Variants in LRRC43 observed in about 807,000 individuals in gnomAD.
The protein encoded by LRRC43 is leucine-rich repeat-containing protein 43.
A neutral mutation model predicts 64.3 loss-of-function variants in LRRC43; 62 were observed. The observed-to-expected ratio is 0.96, with a 90% CI of 0.79 to 1.19. The LOEUF is 1.19. Ranked by LOEUF, LRRC43 falls within the 50% of genes most tolerant of loss-of-function variation. LRRC43 has a pLI of 0.00. For missense variants in LRRC43, 868 were observed against 845.0 expected, an observed-to-expected ratio of 1.03 and a Z score of -0.34; for synonymous variants, 422 against 382.3, an observed-to-expected ratio of 1.10 and a Z score of -1.21.
chr12:122,189,674 C>T (rs1412786018), intron 4 of LRRC43, among the ~76,000 whole-genome samples: 1 of 152,120 alleles, frequency 6.6e-6, no homozygotes, highest in African/African-American at 2.4e-5. Flanking sequence ...AGCCCTCCAG[C>T]CTCTGGCTCC....
At chr12:122,186,502 A>G (rs1953646352) in intron 3 of LRRC43, among the ~76,000 whole-genome samples, 1 of 152,226 alleles carries the variant, frequency 6.6e-6, no homozygotes. Context: ...TGTATCCATG[A>G]AGGAACTGAA....
chr12:122,172,286 G>A, intron 1 of LRRC43: 1 of 691,442 alleles, frequency 1.4e-6, no homozygotes, highest in East Asian at 2.6e-5. Context: ...GCCCATATGA[G>A]GGGTCCCTGA....
At chr12:122,177,574 G>A (rs945439449) in intron 1 of LRRC43, among the ~76,000 whole-genome samples, 17 of 151,266 alleles carry the variant, frequency 1.1e-4, no homozygotes, top group South Asian at 2.1e-4. Context: ...GTGTGATCAC[G>A]GCTCACTGCA....
chr12:122,184,156 G>C lies in LRRC43; in HGVS notation c.151-363G>C, dbSNP rs938259276. 6.7e-6 allele frequency among the ~76,000 whole-genome samples: 1 copy of C among 149,434 alleles called. No individual in the cohort carries two copies. The highest frequency in any genetic ancestry group is 2.5e-5 in the African/African-American group (1 of 40,248). On this transcript the variant is annotated intron_variant, in intron 1 of 11. Transcript: ENST00000339777. This position sits in a 1 kb window ranked among gnomAD's most constrained non-coding sequence, Gnocchi z 4.0. Reference sequence around the variant, plus strand: ...GTCACCCAGCCTGGAGTGCAGTGGCGTGATCTCGGCTCACTGCAACCTCCG... The same window carrying C: ...GTCACCCAGCCTGGAGTGCAGTGGCCTGATCTCGGCTCACTGCAACCTCCG...
chr12:122,176,970 AC>A (rs1289655119), intron 1 of LRRC43, among the ~76,000 whole-genome samples: 1 of 151,996 alleles, frequency 6.6e-6, no homozygotes, highest in Non-Finnish European at 1.5e-5. Flanking sequence ...GCCACCACTG[AC>A]TTTTTCTTTA....
intron 4 of LRRC43, chr12:122,189,347 C>T: frequency 2.2e-6 from 1 of 449,432 alleles, no homozygotes; most frequent in Non-Finnish European, 4.5e-6. Flanking sequence ...GCGGACGCAG[C>T]AGGGAAGGGA....
intron 11 of LRRC43, among the ~76,000 whole-genome samples, chr12:122,203,022 C>T (rs1348447183): frequency 6.6e-6 from 1 of 152,056 alleles, no homozygotes; most frequent in Non-Finnish European, 1.5e-5. Context: ...ACCTGGGAGG[C>T]GGAGGTTGCA....
chr12:122,195,808 G>A (rs540668661), intron 7 of LRRC43, among the ~76,000 whole-genome samples: 3 of 152,210 alleles, frequency 2.0e-5, no homozygotes, highest in South Asian at 2.1e-4. Context: ...GTTTTCAGCC[G>A]TTATCCTTCA....
intron 7 of LRRC43, among the ~76,000 whole-genome samples, chr12:122,199,308 A>C (rs1404091684): frequency 3.7e-5 from 3 of 80,848 alleles, no homozygotes; most frequent in Admixed American, 1.8e-4. Context: ...TTTGAGACGG[A>C]GTCTTGCTCT....
At position 122,187,835 on chromosome 12, in the gene LRRC43, T is replaced by C. The variant is rs1452175124; in HGVS notation, c.657T>C (p.Asn219=). 6.2e-7 allele frequency: 1 copy of C among 1,614,028 alleles called. No individual in the cohort carries two copies. Reference sequence around the variant, plus strand: ...TGGAAAGTCTCTACGTCACCGCTAATCACTGGTAACTCGGGAGCCCAGATG... The same window carrying C: ...TGGAAAGTCTCTACGTCACCGCTAACCACTGGTAACTCGGGAGCCCAGATG... The part of the protein sequence containing the change: ...GPLESLYVTA[N]HWPNLVSLDL... Residue 219 remains asparagine, a synonymous_variant, in exon 4 of 12, where the codon AAT becomes AAC. Coordinates refer to ENST00000339777, the MANE Select transcript of LRRC43 (RefSeq NM_001098519.2).
rs905653901 is a variant in LRRC43, at chr12:122,184,249, C to A, written c.151-270C>A. Among the ~76,000 whole-genome samples the A allele has an allele frequency of 6.6e-6, 1 of 152,090 alleles. No individual in the cohort carries two copies. Among genetic ancestry groups the A allele is most frequent in the Non-Finnish European group, 1.5e-5 (1 of 68,024 alleles). ...AGCTGAGACTACAGTTGCGTGCCAC[C>A]ACGCCCGGCTAATTTTTTGTATTTT... On this transcript the variant is annotated intron_variant, in intron 1 of 11. Transcript: ENST00000339777. This position sits in a 1 kb window ranked among gnomAD's most constrained non-coding sequence, Gnocchi z 4.0.
At chr12:122,196,652 C>G (rs2136055887) in intron 7 of LRRC43, among the ~76,000 whole-genome samples, 1 of 152,128 alleles carries the variant, frequency 6.6e-6, no homozygotes, top group African/African-American at 2.4e-5. Context: ...GCCTGTAATC[C>G]CAGCTACTCA....
At chr12:122,186,930 C>T (rs551300909) in intron 3 of LRRC43, among the ~76,000 whole-genome samples, 1 of 147,996 alleles carries the variant, frequency 6.8e-6, no homozygotes, top group African/African-American at 2.5e-5. Flanking sequence ...GTGGTCTATC[C>T]ATTCAATAGA....
Position 122,186,202 on chromosome 12 carries a change from G to A in LRRC43, c.424G>A (p.Asp142Asn), listed in dbSNP as rs1324491578. The A allele has an allele frequency of 3.8e-6, 6 of 1,593,966 alleles. No homozygotes were observed. The highest frequency in any genetic ancestry group is 5.1e-6 in the Non-Finnish European group (6 of 1,170,030). ...TCCCCTCTTCCAGGTCACCCTGGTG[G>A]ATAAAGACCTCCTGAAATTTCTAAA... Reference protein sequence around the residue: ...RVIDKKVTLVDKDLLKFLKLE... With the variant: ...RVIDKKVTLVNKDLLKFLKLE... The change falls in exon 3 of 12, where the codon GAT (aspartate) becomes AAT (asparagine). Residue 142 changes from aspartate (D) to asparagine (N), a missense_variant. Coordinates refer to ENST00000339777, the MANE Select transcript of LRRC43 (RefSeq NM_001098519.2).
At chr12:122,185,859 C>A (rs889397570) in intron 2 of LRRC43, among the ~76,000 whole-genome samples, 2 of 152,202 alleles carry the variant, frequency 1.3e-5, no homozygotes, top group East Asian at 3.8e-4. Context: ...CCTTGACTGA[C>A]TTCAGTGCCC....
Position 122,200,441 on chromosome 12 carries a change from C to G in LRRC43, c.1492-91C>G. ...GCCGCACTCCCTGGTTAGATGAGTT[C>G]TCAGCGCCATTCCAGAAAGGGTGAG... On this transcript the variant is annotated intron_variant, in intron 8 of 11. Coordinates refer to ENST00000339777, the MANE Select transcript of LRRC43 (RefSeq NM_001098519.2). The surrounding 1 kb of genome is among the most constrained non-coding windows in gnomAD (Gnocchi z 4.6). 1 of 1,609,788 alleles carries G rather than the reference C, an allele frequency of 6.2e-7. No individual in the cohort carries two copies. Among genetic ancestry groups the G allele is most frequent in the Admixed American group, 1.7e-5 (1 of 59,986 alleles).
chr12:122,175,208 C>T (rs764672844), intron 1 of LRRC43, among the ~76,000 whole-genome samples: 3 of 150,900 alleles, frequency 2.0e-5, no homozygotes, highest in African/African-American at 7.4e-5. Context: ...CTTGCTCTGT[C>T]GCCTGGGCTG....
intron 7 of LRRC43, among the ~76,000 whole-genome samples, chr12:122,199,740 C>T (rs1278298617): frequency 2.6e-5 from 4 of 152,124 alleles, no homozygotes; most frequent in African/African-American, 7.2e-5. Context: ...TGTGCCACCA[C>T]GCCCAGCTAA....
intron 7 of LRRC43, among the ~76,000 whole-genome samples, chr12:122,195,901 C>G (rs1031095478): frequency 3.3e-5 from 5 of 152,110 alleles, no homozygotes; most frequent in Admixed American, 2.6e-4. Context: ...TTCAGAAAAC[C>G]CAAGGGAAAC....
Sources: allele counts gnomAD v4.1 joint callset (sites outside exome capture counted in the v4.1 genomes callset), GRCh38; gene constraint gnomAD v4.1.1; non-coding constraint Gnocchi (gnomAD v3.1); transcripts MANE v1.5; gene names NCBI Gene and HGNC (gene_info 2026-07-23, HGNC 2026-07-21).